The following SYNPO variants were observed in gnomAD, a reference collection of about 807,000 sequenced individuals.
SYNPO encodes synaptopodin.
In SYNPO, 19 loss-of-function variants were observed where a neutral mutation model predicts 49.5. That is an observed-to-expected ratio of 0.38 (90% CI 0.27 to 0.56). The LOEUF (loss-of-function observed/expected upper bound fraction) is 0.56, where lower values mean the gene tolerates loss of function less well. Among genes scored for constraint, SYNPO ranks in the 20% least tolerant of loss-of-function variants. SYNPO has a pLI of 0.68. For missense variants in SYNPO, 1,131 were observed against 1,248.3 expected (o/e 0.91, Z 1.42); for synonymous variants, 536 against 548.0 (o/e 0.98, Z 0.31).
chr5:150,615,114 C>G (rs1270805365), intron 1 of SYNPO: 1 of 152,258 alleles, frequency 6.6e-6, no homozygotes, highest in East Asian at 1.9e-4. Context: ...CCGACCCCCA[C>G]AGCTCCTGCA....
At chr5:150,640,567 G>A (rs541104323), upstream of SYNPO, 432 of 848,356 alleles carry the variant, frequency 5.1e-4, 2 homozygotes, top group African/African-American at 6.7e-3. Flanking sequence ...GAGGGAGGAA[G>A]ATGAATCTGG....
At chr5:150,586,376 G>C in the SYNPO span, among the ~76,000 whole-genome samples, 1 of 152,220 alleles carries the variant, frequency 6.6e-6, no homozygotes, top group East Asian at 1.9e-4. Context: ...CTTGTCAAAT[G>C]CCGTCTCATC....
At chr5:150,588,187 C>T in the SYNPO span, among the ~76,000 whole-genome samples, 1 of 152,186 alleles carries the variant, frequency 6.6e-6, no homozygotes, top group Non-Finnish European at 1.5e-5. Flanking sequence ...GCTTCTGGGA[C>T]CTCCCATTCT....
the SYNPO span, among the ~76,000 whole-genome samples, chr5:150,592,975 G>T: frequency 6.6e-6 from 1 of 152,314 alleles, no homozygotes; most frequent in Non-Finnish European, 1.5e-5. Flanking sequence ...CTCTTCCTTA[G>T]GCTGAACAGA....
intron 2 of SYNPO, among the ~76,000 whole-genome samples, chr5:150,626,586 G>A (rs1458214708): frequency 1.3e-5 from 2 of 152,142 alleles, no homozygotes; most frequent in African/African-American, 4.8e-5. Context: ...GCTAAATAAG[G>A]CCTTTAACTC....
intron 1 of SYNPO, among the ~76,000 whole-genome samples, chr5:150,611,547 C>A (rs1420260556): frequency 6.6e-6 from 1 of 152,180 alleles, no homozygotes; most frequent in African/African-American, 2.4e-5. Flanking sequence ...GCTCCTGGGG[C>A]TCCCCCCAGC....
intron 2 of SYNPO, chr5:150,651,959 C>A (rs900834085): frequency 2.0e-6 from 2 of 1,000,446 alleles, no homozygotes; most frequent in Non-Finnish European, 2.4e-6. Context: ...GGCCGAGGAC[C>A]ACCCACTTCT....
rs753314882 is a variant in SYNPO at position 150,648,295 on chromosome 5, A to G, written c.20A>G (p.Glu7Gly). The change falls in exon 2 of 3, where the codon GAG (glutamate) becomes GGG (glycine). Residue 7 changes from glutamate (E) to glycine (G), a missense_variant. Coordinates refer to ENST00000307662, the MANE Select transcript of SYNPO (RefSeq NM_007286.6). This position sits in a 1 kb window ranked among gnomAD's most constrained non-coding sequence, Gnocchi z 5.0. Reference protein sequence around the residue: MEGYSEEASLLRHLEKV... With the variant: MEGYSEGASLLRHLEKV... ...CACAGCATGGAGGGGTACTCAGAGG[A>G]GGCTAGCTTGCTGCGGCACCTGGAG... 2 of 1,614,172 alleles carry G rather than the reference A, an allele frequency of 1.2e-6. No individual in the cohort carries two copies. Among genetic ancestry groups the G allele is most frequent in the Admixed American group, 3.3e-5 (2 of 60,028 alleles).
At chr5:150,645,351 G>A (rs546296914) in intron 1 of SYNPO, among the ~76,000 whole-genome samples, 1 of 152,008 alleles carries the variant, frequency 6.6e-6, no homozygotes, top group South Asian at 2.1e-4. Flanking sequence ...AGGGAGGAGA[G>A]GGGCAATGGA....
upstream of SYNPO, among the ~76,000 whole-genome samples, chr5:150,638,043 C>T (rs1757776857): frequency 6.7e-6 from 1 of 150,116 alleles, no homozygotes; most frequent in South Asian, 2.1e-4. Context: ...GTGTGTTCCT[C>T]TATCAAAGTT....
chr5:150,619,122 G>A (rs145293410), intron 2 of SYNPO, among the ~76,000 whole-genome samples: 9 of 152,230 alleles, frequency 5.9e-5, no homozygotes, highest in East Asian at 1.9e-4. Flanking sequence ...CCAAGCAACC[G>A]ATGGGGCAGA....
chr5:150,595,578 C>A, the SYNPO span, among the ~76,000 whole-genome samples: 1 of 152,182 alleles, frequency 6.6e-6, no homozygotes, highest in Non-Finnish European at 1.5e-5. Context: ...GACAGGCAGA[C>A]AAGAGGTATG....
chr5:150,631,463 G>A (rs187802133), intron 2 of SYNPO, among the ~76,000 whole-genome samples: 101 of 152,300 alleles, frequency 6.6e-4, no homozygotes, highest in Middle Eastern at 3.4e-3. Context: ...AGAAAGTGCT[G>A]GGCTGGCCGA....
At chr5:150,613,126 C>T (rs541884191) in intron 1 of SYNPO, among the ~76,000 whole-genome samples, 2 of 152,052 alleles carry the variant, frequency 1.3e-5, no homozygotes, top group East Asian at 3.9e-4. Context: ...AGAAATTGCT[C>T]CAAAATTCTC....
At position 150,622,777 on chromosome 5, in the gene SYNPO, C is replaced by T. The variant is rs536430411; in HGVS notation, c.400+4010C>T. The stretch of plus-strand genomic sequence containing the variant: ...GAGCCTGGGCAGGAAGCTGCCTACT[C>T]CCCCTCCACTCCCCTGCTCCACAGT... On this transcript the variant is annotated intron_variant, in intron 2 of 2. Coordinates refer to the SYNPO transcript ENST00000394243. Among the ~76,000 whole-genome samples, 25 of 152,318 alleles carry T rather than the reference C, an allele frequency of 1.6e-4. No individual in the cohort carries two copies. The South Asian group carries it at 5.2e-3, about 32-fold the overall frequency.
the SYNPO span, among the ~76,000 whole-genome samples, chr5:150,592,881 G>T: frequency 6.6e-6 from 1 of 152,194 alleles, no homozygotes; most frequent in African/African-American, 2.4e-5. Flanking sequence ...CCCACCCCAT[G>T]TGGGCATCTG....
At position 150,656,649 on chromosome 5, in the gene SYNPO, G is replaced by A; in HGVS notation, c.2274G>A (p.Ala758=). Residue 758 remains alanine, a synonymous_variant, in exon 3 of 3, where the codon GCG becomes GCA. Transcript: ENST00000307662. The stretch of plus-strand genomic sequence containing the variant: ...GCCGCCAGCTGCAGGCGCTTCTGGC[G>A]CGAAACATCATCAATGCGGCCCGGC... The part of the protein sequence containing the change: ...PPSRQLQALL[A]RNIINAARRK... 6.6e-7 allele frequency: 1 copy of A among 1,507,632 alleles called. No individual in the cohort carries two copies. The highest frequency in any genetic ancestry group is 1.2e-5 in the South Asian group (1 of 81,102). The allele number at this position is 1,507,632 out of a possible 1,614,324, so 93.4% of individuals were successfully genotyped here. A position where few individuals can be genotyped will look rare whatever the true frequency, so the allele number is the denominator to read the frequency against.
chr5:150,652,696 A>C (rs539415200), intron 2 of SYNPO: 8 of 152,470 alleles, frequency 5.2e-5, no homozygotes, highest in African/African-American at 1.9e-4. Flanking sequence ...CAAGTGGAAT[A>C]GAAATTCCTC....
chr5:150,586,048 G>C, the SYNPO span, among the ~76,000 whole-genome samples: 4 of 152,264 alleles, frequency 2.6e-5, no homozygotes, highest in Non-Finnish European at 5.9e-5. Context: ...AGGCTCTGAA[G>C]GTCCTCAGGA....
Sources: gnomAD v4.1 joint callset for allele counts (sites outside exome capture counted in the v4.1 genomes callset) on GRCh38, gnomAD v4.1.1 for gene constraint, Gnocchi (gnomAD v3.1) non-coding constraint, MANE v1.5 for transcripts, NCBI Gene and HGNC (gene_info 2026-07-23, HGNC 2026-07-21) for gene names.